DDB1: variants seen among roughly 807,000 people sequenced by gnomAD.
DDB1 encodes the protein DNA damage-binding protein 1.
DDB1 carries 18 observed loss-of-function variants against 133.1 expected under a neutral mutation model. The observed-to-expected ratio is 0.14, with a 90% confidence interval of 0.09 to 0.20. DDB1 has a LOEUF of 0.20. Among genes scored for constraint, DDB1 ranks in the 10% least tolerant of loss-of-function variants. DDB1 has a pLI of 1.00. For missense variants in DDB1, 828 were observed against 1,459.2 expected, an observed-to-expected ratio of 0.57 and a Z score of 7.05; for synonymous variants, 580 against 550.5, an observed-to-expected ratio of 1.05 and a Z score of -0.75.
intron 10 of DDB1, among the ~76,000 whole-genome samples, chr11:61,317,342 T>C (rs1056693889): frequency 2.0e-5 from 3 of 151,792 alleles, no homozygotes; most frequent in African/African-American, 7.3e-5. Flanking sequence ...CTCGATCTCC[T>C]GACCTCGTGA....
Position 61,330,147 on chromosome 11 carries a change from A to G in DDB1, c.211-73T>C, listed in dbSNP as rs998390651. 5 of 1,253,070 alleles carry G rather than the reference A, an allele frequency of 4.0e-6. No individual in the cohort carries two copies. The South Asian group carries it at 5.4e-5, about 14-fold the overall frequency. The allele number at this position is 1,253,070 out of a possible 1,614,324, so 77.6% of individuals were successfully genotyped here. A position where few individuals can be genotyped will look rare whatever the true frequency, so the allele number is the denominator to read the frequency against. On this transcript the variant is annotated intron_variant, in intron 2 of 26. Transcript: ENST00000301764. ...AACAACCTGTCCAGTCTTTAAGCAC[A>G]CCAAATTCTTTAAGAATTTTCCAAA...
At chr11:61,304,642 A>C (rs906030449) in intron 21 of DDB1, among the ~76,000 whole-genome samples, 1 of 152,112 alleles carries the variant, frequency 6.6e-6, no homozygotes, top group Non-Finnish European at 1.5e-5. Context: ...TGGGAGGCCG[A>C]GACGGGCAGA....
chr11:61,321,964 G>GCA (rs1856187025), intron 9 of DDB1: 1 of 546,892 alleles, frequency 1.8e-6, no homozygotes, highest in African/African-American at 1.9e-5. Context: ...ACTAGAATGA[G>GCA]CACAGGATCT....
intron 8 of DDB1, 29 bp from the exon 9 acceptor site, chr11:61,322,441 T>A: frequency 6.4e-7 from 1 of 1,560,982 alleles, no homozygotes; most frequent in Non-Finnish European, 8.8e-7. Context: ...GTTATGTTAG[T>A]CCTAGAACAC....
rs1398894793 is a variant in DDB1 at position 61,302,382 on chromosome 11, G to A, written c.3113-23C>T. The A allele has an allele frequency of 3.7e-6, 6 of 1,608,482 alleles. No homozygotes were observed. The South Asian group carries it at 4.4e-5, about 12-fold the overall frequency. ...GCCCTGAAGAAGTGAAGGAGGCAGT[G>A]AGCTGCAGAGAGCTCAACCCCACAG... On this transcript the variant is annotated intron_variant, in intron 24 of 26. Coordinates refer to ENST00000301764, the MANE Select transcript of DDB1 (RefSeq NM_001923.5).
chr11:61,302,241 G>C lies in DDB1; in HGVS notation c.3215+16C>G, dbSNP rs750382896. 6.2e-7 allele frequency: 1 copy of C among 1,606,024 alleles called. No homozygotes were observed. The highest frequency in any genetic ancestry group is 1.3e-5 in the African/African-American group (1 of 74,778). ...GGATGTGCTTCCCAGCAAGGGGATG[G>C]CTCTGGGAAGGATATAAGGAGTGCT... On this transcript the variant is annotated intron_variant, in intron 25 of 26. Coordinates refer to ENST00000301764, the MANE Select transcript of DDB1 (RefSeq NM_001923.5).
At chr11:61,311,444 TA>T (rs917601425) in intron 18 of DDB1, 387 of 232,098 alleles carry the variant, frequency 1.7e-3, no homozygotes, top group Middle Eastern at 4.0e-3. Flanking sequence ...GTTTCTGTCT[TA>T]AAAAAAAAAC....
Position 61,316,517 on chromosome 11 carries a change from C to T in DDB1, c.1276G>A (p.Val426Met), listed in dbSNP as rs146943545. ...DPNRETDDTLVLSFVGQTRVL... is the reference protein window; with the variant it reads ...DPNRETDDTLMLSFVGQTRVL... ...CTTGTCTGGCCCACAAAAGAGAGCA[C>T]CAAAGTGTCATCAGTCTCACGATTA... Residue 426 changes from valine (V) to methionine (M), a missense_variant, in exon 11 of 27, where the codon GTG becomes ATG. Transcript: ENST00000301764. 1.9e-6 allele frequency: 3 copies of T among 1,613,998 alleles called. No individual in the cohort carries two copies. The highest frequency in any genetic ancestry group is 2.5e-6 in the Non-Finnish European group (3 of 1,180,034).
intron 23 of DDB1, 39 bp downstream of exon 23, chr11:61,303,007 C>CA (rs1258945205): frequency 1.9e-6 from 3 of 1,580,838 alleles, no homozygotes; most frequent in Non-Finnish European, 2.6e-6. Context: ...AAGGAACTCC[C>CA]AGCCCTCCCC....
intron 10 of DDB1, among the ~76,000 whole-genome samples, chr11:61,320,661 A>G (rs1590694301): frequency 6.6e-6 from 1 of 152,068 alleles, no homozygotes; most frequent in Admixed American, 6.5e-5. Context: ...AGTGGCTAGG[A>G]CTACAGTCAC....
Position 61,309,805 on chromosome 11 carries a change from A to G in DDB1, c.2557T>C (p.Tyr853His), listed in dbSNP as rs1052471660. 3.1e-6 allele frequency: 5 copies of G among 1,612,676 alleles called. No homozygotes were observed. The African/African-American group carries it at 4.0e-5, about 13-fold the overall frequency. Reference sequence around the variant, plus strand: ...GACTGCGCCCACTTACCATCCGAATACTGAAAGACCACAATGCGACCCTGC... The same window carrying G: ...GACTGCGCCCACTTACCATCCGAATGCTGAAAGACCACAATGCGACCCTGC... ...PKQGRIVVFQ[Y>H]SDGKLQTVAE... The change falls in exon 20 of 27, where the codon TAT becomes CAT. Residue 853 changes from tyrosine to histidine, a missense_variant. This residue lies in a region of DDB1 where 396 missense variants were observed against 554.1 expected (regional missense o/e 0.71). Transcript: ENST00000301764.
intron 5 of DDB1, chr11:61,326,318 T>C (rs970547898): frequency 4.3e-6 from 1 of 232,646 alleles, no homozygotes; most frequent in African/African-American, 2.4e-5. Flanking sequence ...TTCAGTTTTT[T>C]GTTGTTGTTT....
intron 16 of DDB1, among the ~76,000 whole-genome samples, chr11:61,312,366 A>C (rs1855987427): frequency 6.6e-6 from 1 of 152,188 alleles, no homozygotes; most frequent in African/African-American, 2.4e-5. Flanking sequence ...TGTGACTTTC[A>C]AACTACTGCC....
chr11:61,306,787 A>G (rs759125430), intron 21 of DDB1, among the ~76,000 whole-genome samples: 6 of 152,172 alleles, frequency 3.9e-5, no homozygotes, highest in Non-Finnish European at 7.4e-5. Context: ...CTCGACTTGT[A>G]TTAAATTTTC....
At chr11:61,325,420 C>G (rs1251837035) in intron 6 of DDB1, among the ~76,000 whole-genome samples, 191 bp downstream of exon 6, 4 of 152,198 alleles carry the variant, frequency 2.6e-5, no homozygotes, top group Admixed American at 2.6e-4. Flanking sequence ...AGTTAGCAAG[C>G]AAGTTCTCTG....
chr11:61,332,412 G>A (rs1856400667), intron 1 of DDB1: 1 of 153,532 alleles, frequency 6.5e-6, no homozygotes, highest in Admixed American at 6.5e-5. Context: ...CTCCAGCAGG[G>A]CCCTCATGTA....
At position 61,330,091 on chromosome 11, in the gene DDB1, T is replaced by G; in HGVS notation, c.211-17A>C. On this transcript the variant is annotated splice_polypyrimidine_tract_variant and intron_variant, in intron 2 of 26. Transcript: ENST00000301764. Reference sequence around the variant, plus strand: ...GCTCTCCCCCTGGAAACCAATATTATGCTATCAAAAGAGGTTCTTTTTAAA... The same window carrying G: ...GCTCTCCCCCTGGAAACCAATATTAGGCTATCAAAAGAGGTTCTTTTTAAA... The G allele has an allele frequency of 6.2e-7, 1 of 1,600,414 alleles. No homozygotes were observed.
At chr11:61,307,711 T>C (rs749301594) in intron 21 of DDB1, among the ~76,000 whole-genome samples, 1 of 152,130 alleles carries the variant, frequency 6.6e-6, no homozygotes, top group Non-Finnish European at 1.5e-5. Flanking sequence ...CTAGTGAACA[T>C]CTCCACTTAG....
chr11:61,322,338 G>C lies in DDB1; in HGVS notation c.1080C>G (p.Val360=), dbSNP rs146385795. 1.2e-5 allele frequency: 20 copies of C among 1,613,982 alleles called. No homozygotes were observed. Among genetic ancestry groups the C allele is most frequent in the Non-Finnish European group, 1.5e-5 (18 of 1,180,034 alleles). ...TCTCCAGGTCCACCACGCACATATC[G>C]ACAATGGGTCCTAAGTTGGTAAAGG... is the stretch of plus-strand genomic sequence containing the variant. ...METFTNLGPI[V]DMCVVDLERQ... The change falls in exon 9 of 27, where the codon GTC becomes GTG. Residue 360 remains valine (V), a synonymous_variant. Transcript: ENST00000301764.
Sources: allele counts gnomAD v4.1 joint callset (sites outside exome capture counted in the v4.1 genomes callset), GRCh38; gene constraint gnomAD v4.1.1; regional missense constraint gnomAD v4.1.1; transcripts MANE v1.5; gene names NCBI Gene and HGNC (gene_info 2026-07-23, HGNC 2026-07-21).